The following NUP210 variants were observed in gnomAD, a reference collection of about 807,000 sequenced individuals.
The protein encoded by NUP210 is nucleoporin 210, also known as nuclear pore membrane glycoprotein 210.
Under a neutral mutation model 196.0 loss-of-function variants are expected in NUP210, and 151 were observed. The observed-to-expected ratio is 0.77, with a 90% confidence interval of 0.67 to 0.88. The LOEUF (loss-of-function observed/expected upper bound fraction) is 0.88. Ranked by LOEUF, NUP210 falls within the 40% of genes least tolerant of loss-of-function variation. The pLI is 0.00. For missense variants in NUP210, 2,314 were observed against 2,493.7 expected (o/e 0.93, Z 1.53); for synonymous variants, 1,070 against 1,052.7 (o/e 1.02, Z -0.32).
rs577048124 is a variant in NUP210 at position 13,340,525 on chromosome 3, G to C, written c.3229-227C>G. Among the ~76,000 whole-genome samples, 5 of 152,186 alleles carry C rather than the reference G, an allele frequency of 3.3e-5. No individual in the cohort carries two copies. Among genetic ancestry groups the C allele is most frequent in the Non-Finnish European group, 2.9e-5 (2 of 68,022 alleles). ...GGGGTGTGTTCTTCTGTTTGTGACT[G>C]TGTTTCACTTTCCCTAGATGTTAAA... On this transcript the variant is annotated intron_variant, in intron 23 of 39. Coordinates refer to ENST00000254508, the MANE Select transcript of NUP210 (RefSeq NM_024923.4). The surrounding 1 kb of genome is among the most constrained non-coding windows in gnomAD (Gnocchi z 4.0).
At position 13,360,380 on chromosome 3, in the gene NUP210, C is replaced by A; in HGVS notation, c.2044G>T (p.Val682Phe). ...ATGCTGTCAGTGTCCTCAGCGGTGA[C>A]GTTCTGGAAGAATTTGGACGGCTCG... ...ILEPSKFFQNVTAEDTDSIGL... is the reference protein window; with the variant it reads ...ILEPSKFFQNFTAEDTDSIGL... The change falls in exon 15 of 40, where the codon GTC becomes TTC. Residue 682 changes from valine to phenylalanine, a missense_variant. By Grantham distance (50) the Val-to-Phe change is conservative. Coordinates refer to ENST00000254508, the MANE Select transcript of NUP210 (RefSeq NM_024923.4). 6.2e-7 allele frequency: 1 copy of A among 1,614,136 alleles called. No homozygotes were observed. Among genetic ancestry groups the A allele is most frequent in the Non-Finnish European group, 8.5e-7 (1 of 1,180,010 alleles).
Position 13,391,253 on chromosome 3 carries a change from T to C in NUP210, c.491A>G (p.Asp164Gly). ...GLVFEWTIVK[D>G]SEADRFSDSH... ...GTCTGAGAACCTGTCCGCCTCGGAGTCCTTCACAATCGTCCACTCGAAGAC... is the reference window on the plus strand; with the variant it reads ...GTCTGAGAACCTGTCCGCCTCGGAGCCCTTCACAATCGTCCACTCGAAGAC... The change falls in exon 4 of 40, where the codon GAC becomes GGC. Residue 164 changes from aspartate (D) to glycine (G), a missense_variant. Asp to Gly is a moderately conservative substitution (Grantham distance 94). Coordinates refer to ENST00000254508, the MANE Select transcript of NUP210 (RefSeq NM_024923.4). 1 of 1,612,306 alleles carries C rather than the reference T, an allele frequency of 6.2e-7. No individual in the cohort carries two copies. Among genetic ancestry groups the C allele is most frequent in the East Asian group, 2.2e-5 (1 of 44,782 alleles).
intron 31 of NUP210, among the ~76,000 whole-genome samples, chr3:13,328,455 G>A (rs886124519): frequency 6.6e-6 from 1 of 152,220 alleles, no homozygotes; most frequent in East Asian, 1.9e-4. Context: ...ACACAACTGT[G>A]GCAGGACCTG....
At chr3:13,351,823 C>A in intron 20 of NUP210, 56 bp downstream of exon 20, 1 of 1,140,952 alleles carries the variant, frequency 8.8e-7, no homozygotes, top group African/African-American at 1.5e-5. Context: ...ATTAACCACA[C>A]AACAGCCCAG....
chr3:13,378,847 A>G, intron 8 of NUP210, 65 bp downstream of exon 8: 1 of 1,222,878 alleles, frequency 8.2e-7, no homozygotes, highest in Non-Finnish European at 1.2e-6. Flanking sequence ...CTTCTTTTCT[A>G]TTTTTTAAAC....
chr3:13,346,220 G>A (rs1697719693), intron 20 of NUP210, among the ~76,000 whole-genome samples: 1 of 152,204 alleles, frequency 6.6e-6, no homozygotes, highest in Non-Finnish European at 1.5e-5. Context: ...CCACAGCGAT[G>A]CTGTAAGGGC....
At chr3:13,321,442 T>C in intron 36 of NUP210, 143 bp downstream of exon 36, 1 of 834,162 alleles carries the variant, frequency 1.2e-6, no homozygotes, top group Non-Finnish European at 1.8e-6. Flanking sequence ...AAGAAAAGAG[T>C]ACTTCAATTT....
intron 28 of NUP210, 146 bp from the exon 29 acceptor site, chr3:13,332,530 G>T: frequency 1.5e-6 from 1 of 653,032 alleles, no homozygotes. Context: ...CTGATGACAT[G>T]ATGTGAAGGG....
chr3:13,353,192 T>A (rs549687534), intron 18 of NUP210, among the ~76,000 whole-genome samples: 5 of 152,242 alleles, frequency 3.3e-5, no homozygotes, highest in African/African-American at 1.2e-4. Flanking sequence ...AAGTGCCTCA[T>A]CCTGGCATTT....
chr3:13,411,922 T>C (rs1700185801), intron 1 of NUP210, among the ~76,000 whole-genome samples: 1 of 152,106 alleles, frequency 6.6e-6, no homozygotes, highest in South Asian at 2.1e-4. Context: ...TTTGTATTTT[T>C]AGTAGAGATG....
At chr3:13,345,960 A>G (rs911137928) in intron 20 of NUP210, among the ~76,000 whole-genome samples, 1 of 152,260 alleles carries the variant, frequency 6.6e-6, no homozygotes, top group Non-Finnish European at 1.5e-5. Flanking sequence ...CAATGTGAAG[A>G]AATTCCATAG....
In NUP210 at chr3:13,322,191, A is replaced by G; in HGVS notation, c.4915+2T>C. The G allele has an allele frequency of 1.2e-6, 2 of 1,614,212 alleles. No homozygotes were observed. Among genetic ancestry groups the G allele is most frequent in the Non-Finnish European group, 1.7e-6 (2 of 1,180,028 alleles). On this transcript the variant is annotated splice_donor_variant, in intron 35 of 39. Coordinates refer to ENST00000254508, the MANE Select transcript of NUP210 (RefSeq NM_024923.4). LOFTEE classifies it high-confidence loss of function. ...CTTTCACTTTCAAATCCTCGCAATTACCGAGAGCAGTGTCAAACTGTGGCT... is the reference window on the plus strand; with the variant it reads ...CTTTCACTTTCAAATCCTCGCAATTGCCGAGAGCAGTGTCAAACTGTGGCT...
Position 13,319,318 on chromosome 3 carries a change from G to A in NUP210, c.5391C>T (p.Ala1797=), listed in dbSNP as rs772196263. The part of the protein sequence containing the change: ...VDRRGPGPYG[A]SLFQHFLDSY... ...AATCCAGGAAGTGCTGGAAGAGGCTGGCTCCATCTGCCATCAATGGGAAGA... is the reference window on the plus strand; with the variant it reads ...AATCCAGGAAGTGCTGGAAGAGGCTAGCTCCATCTGCCATCAATGGGAAGA... Residue 1797 remains alanine, a synonymous_variant, in exon 38 of 40, where the codon GCC becomes GCT. Coordinates refer to ENST00000254508, the MANE Select transcript of NUP210 (RefSeq NM_024923.4). 1.2e-6 allele frequency: 2 copies of A among 1,609,106 alleles called. No homozygotes were observed. The highest frequency in any genetic ancestry group is 1.7e-6 in the Non-Finnish European group (2 of 1,177,478).
intron 14 of NUP210, among the ~76,000 whole-genome samples, chr3:13,362,729 G>A (rs998013795): frequency 2.0e-5 from 3 of 151,976 alleles, no homozygotes; most frequent in Non-Finnish European, 2.9e-5. Flanking sequence ...ACCCATCCCC[G>A]GACTCGACCT....
chr3:13,369,538 AT>A (rs1698654744), intron 13 of NUP210, among the ~76,000 whole-genome samples: 1 of 152,040 alleles, frequency 6.6e-6, no homozygotes, highest in African/African-American at 2.4e-5. Flanking sequence ...TAGAAGTTTT[AT>A]AGTTTTCAAT....
chr3:13,391,205 C>A lies in NUP210; in HGVS notation c.533+6G>T, dbSNP rs757354016. 3 of 1,607,572 alleles carry A rather than the reference C, an allele frequency of 1.9e-6. No homozygotes were observed. Among genetic ancestry groups the A allele is most frequent in the Non-Finnish European group, 2.6e-6 (3 of 1,175,702 alleles). On this transcript the variant is annotated splice_donor_region_variant and intron_variant, in intron 4 of 39. Coordinates refer to ENST00000254508, the MANE Select transcript of NUP210 (RefSeq NM_024923.4). Reference sequence around the variant, plus strand: ...AGGGGCCAGGCCTAGCAGAGGCACCCCTTACCGCAGCGCATTGTGGGAGTC... The same window carrying A: ...AGGGGCCAGGCCTAGCAGAGGCACCACTTACCGCAGCGCATTGTGGGAGTC...
In NUP210 at chr3:13,365,927, G is replaced by A. The variant is rs921332404; in HGVS notation, c.1932+19C>T. 6.2e-7 allele frequency: 1 copy of A among 1,613,834 alleles called. No homozygotes were observed. Among genetic ancestry groups the A allele is most frequent in the Non-Finnish European group, 8.5e-7 (1 of 1,179,748 alleles). ...AGGAGTGGGCAGGGGGGTGGTAAAG[G>A]GCAGGGCCCCTGGCTCACCTTGAGG... On this transcript the variant is annotated intron_variant, in intron 14 of 39. Coordinates refer to ENST00000254508, the MANE Select transcript of NUP210 (RefSeq NM_024923.4).
chr3:13,336,082 G>T (rs2470492), intron 27 of NUP210, among the ~76,000 whole-genome samples: 1 of 152,208 alleles, frequency 6.6e-6, no homozygotes, highest in Admixed American at 6.5e-5. Context: ...GTTCCCACTG[G>T]GTGGGGTCGG....
intron 4 of NUP210, among the ~76,000 whole-genome samples, chr3:13,388,663 A>T (rs1184876774): frequency 1.3e-5 from 2 of 152,206 alleles, no homozygotes; most frequent in Non-Finnish European, 2.9e-5. Context: ...AAATGCAGAT[A>T]CTTGGCCCCT....
Sources: gnomAD v4.1 joint callset for allele counts (sites outside exome capture counted in the v4.1 genomes callset) on GRCh38, gnomAD v4.1.1 for gene constraint, Gnocchi (gnomAD v3.1) non-coding constraint, MANE v1.5 for transcripts, NCBI Gene and HGNC (gene_info 2026-07-23, HGNC 2026-07-21) for gene names.